Variants in CACNA1G observed in about 807,000 individuals in gnomAD.
CACNA1G encodes calcium voltage-gated channel subunit alpha1 G.
Under a neutral mutation model 219.4 loss-of-function variants are expected in CACNA1G, and 67 were observed. That is an observed-to-expected ratio of 0.31 (90% CI 0.25 to 0.37). The LOEUF (loss-of-function observed/expected upper bound fraction) is 0.37. Among genes scored for constraint, CACNA1G ranks in the 10% least tolerant of loss-of-function variants. CACNA1G has a pLI of 1.00. For synonymous variants in CACNA1G, 1,296 were observed against 1,345.3 expected (o/e 0.96, Z 0.80); for missense variants, 2,380 against 3,231.4 (o/e 0.74, Z 6.39).
At chr17:50,569,991 T>C (rs2039003273) in intron 4 of CACNA1G, among the ~76,000 whole-genome samples, 188 bp downstream of exon 4, 1 of 152,186 alleles carries the variant, frequency 6.6e-6, no homozygotes, top group South Asian at 2.1e-4. Flanking sequence ...GGGAGTTACC[T>C]GGGAAAACCC....
rs2035396681 is a variant in CACNA1G, at chr17:50,560,794, A to G, written c.-666A>G. 1.3e-5 allele frequency among the ~76,000 whole-genome samples: 2 copies of G among 151,950 alleles called. No individual in the cohort carries two copies. Among genetic ancestry groups the G allele is most frequent in the Non-Finnish European group, 2.9e-5 (2 of 67,946 alleles). On this transcript the variant is annotated 5_prime_UTR_variant, in exon 1 of 38. Coordinates refer to ENST00000359106, the MANE Select transcript of CACNA1G (RefSeq NM_018896.5). The stretch of plus-strand genomic sequence containing the variant: ...AGGAGGAGGCTGTGGCGCCGGCGAC[A>G]GCTACGGCAGCGGCAGCCACCGCGG...
At chr17:50,605,671 C>A (rs2047798353) in intron 22 of CACNA1G, among the ~76,000 whole-genome samples, 1 of 152,240 alleles carries the variant, frequency 6.6e-6, no homozygotes, top group Non-Finnish European at 1.5e-5. Context: ...CGCCTCCACC[C>A]TTTCCCACTG....
chr17:50,603,534 CT>C lies in CACNA1G; in HGVS notation c.4169+337del, dbSNP rs1419598585. Among the ~76,000 whole-genome samples the C allele has an allele frequency of 1.3e-5, 2 of 152,140 alleles. No homozygotes were observed. The highest frequency in any genetic ancestry group is 1.3e-4 in the Admixed American group (2 of 15,278). ...TCACAGTCTTCAGCTGCGGCTCTCC[CT>C]TGTGTGGCCTCTAGGGGTGACACTC... is the stretch of plus-strand genomic sequence containing the variant. On this transcript the variant is annotated intron_variant, in intron 21 of 37. Transcript: ENST00000359106. The surrounding 1 kb of genome is among the most constrained non-coding windows in gnomAD (Gnocchi z 6.4).
chr17:50,616,218 G>A, intron 27 of CACNA1G, 57 bp from the exon 28 acceptor site: 1 of 1,060,414 alleles, frequency 9.4e-7, no homozygotes, highest in Non-Finnish European at 1.5e-6. Context: ...GGGGCGGGGG[G>A]ACAAGCCCCA....
intron 25 of CACNA1G, 31 bp from the exon 26 acceptor site, chr17:50,609,851 C>T (rs1464518192): frequency 6.2e-7 from 1 of 1,606,704 alleles, no homozygotes; most frequent in South Asian, 1.1e-5. Context: ...CTGGTCCGGC[C>T]AGTGACCAAT....
chr17:50,564,087 C>T (rs1035061253), intron 1 of CACNA1G, among the ~76,000 whole-genome samples: 1 of 149,108 alleles, frequency 6.7e-6, no homozygotes, highest in Admixed American at 6.7e-5. Flanking sequence ...TTTTAAGGGA[C>T]CAGGTTTCCT....
At chr17:50,598,964 G>C (rs965549891) in intron 16 of CACNA1G, among the ~76,000 whole-genome samples, 1 of 152,192 alleles carries the variant, frequency 6.6e-6, no homozygotes, top group African/African-American at 2.4e-5. Context: ...CTGGCCTCAG[G>C]TGATCTGCCC....
At position 50,615,426 on chromosome 17, in the gene CACNA1G, A is replaced by G. The variant is rs200825775; in HGVS notation, c.4825A>G (p.Thr1609Ala). The change falls in exon 27 of 38, where the codon ACC becomes GCC. Residue 1609 changes from threonine (T) to alanine (A), a missense_variant. Around this residue, in one of 17 missense-constraint regions of CACNA1G, gnomAD observed 123 missense variants for 258.4 expected, o/e 0.48. Transcript: ENST00000359106. Reference sequence around the variant, plus strand: ...CCGGCTCCTCGTCCACCACTTGTGCACCAGCCACTACCTGGACCTCTTCAT... The same window carrying G: ...CCGGCTCCTCGTCCACCACTTGTGCGCCAGCCACTACCTGGACCTCTTCAT... ...RFRLLVHHLC[T>A]SHYLDLFITG... The G allele has an allele frequency of 3.8e-6, 6 of 1,594,630 alleles. No homozygotes were observed. Among genetic ancestry groups the G allele is most frequent in the Non-Finnish European group, 3.4e-6 (4 of 1,171,196 alleles).
chr17:50,609,970 G>A (rs762025450), intron 26 of CACNA1G, 35 bp downstream of exon 26: 9 of 1,586,048 alleles, frequency 5.7e-6, no homozygotes, highest in Non-Finnish European at 4.3e-6. Context: ...ATGCGTGTGG[G>A]GACATGCTCT....
At chr17:50,604,131 C>A in intron 21 of CACNA1G, 24 bp from the exon 22 acceptor site, 1 of 1,607,848 alleles carries the variant, frequency 6.2e-7, no homozygotes, top group Non-Finnish European at 8.5e-7. Flanking sequence ...GAAGCCTTAT[C>A]ACCTCCCTCC....
Position 50,624,466 on chromosome 17 carries a change from C to A in CACNA1G, c.6336C>A (p.Gly2112=). The A allele has an allele frequency of 6.2e-7, 1 of 1,601,068 alleles. No homozygotes were observed. ...AGCCCCACAGCGCCCCAACCTGGGG[C>A]ACCATCCCCAAACTGCCCCCACCAG... ...LLQPHSAPTW[G]TIPKLPPPGR... Residue 2112 remains glycine, a synonymous_variant, in exon 37 of 38, where the codon GGC becomes GGA. Coordinates refer to ENST00000359106, the MANE Select transcript of CACNA1G (RefSeq NM_018896.5).
chr17:50,602,592 C>G (rs2046960823), intron 19 of CACNA1G, among the ~76,000 whole-genome samples: 1 of 152,140 alleles, frequency 6.6e-6, no homozygotes, highest in Non-Finnish European at 1.5e-5. Context: ...GCGGGGAGCT[C>G]TGGTCACAGA....
chr17:50,606,787 C>G lies in CACNA1G; in HGVS notation c.4423-113C>G, dbSNP rs999735112. 4 of 752,158 alleles carry G rather than the reference C, an allele frequency of 5.3e-6. No individual in the cohort carries two copies. The African/African-American group carries it at 6.9e-5, about 13-fold the overall frequency. 46.6% of individuals were successfully genotyped at this position (752,158 alleles called of 1,614,324 possible). Reference sequence around the variant, plus strand: ...CTGGAGTGTGACTCCAGCTTGACCCCTCAAGGGCTGGGGTACTTGGAGCTG... The same window carrying G: ...CTGGAGTGTGACTCCAGCTTGACCCGTCAAGGGCTGGGGTACTTGGAGCTG... On this transcript the variant is annotated intron_variant, in intron 23 of 37. Transcript: ENST00000359106.
In CACNA1G at chr17:50,627,122, C is replaced by A. The variant is rs1048194229; in HGVS notation, c.*371C>A. ...GACTGAAGAGACTTGTTTCCTTCTACTTTTATGTGTCTCAGAATATTTTTG... is the reference window on the plus strand; with the variant it reads ...GACTGAAGAGACTTGTTTCCTTCTAATTTTATGTGTCTCAGAATATTTTTG... On this transcript the variant is annotated 3_prime_UTR_variant, in exon 38 of 38. Coordinates refer to ENST00000359106, the MANE Select transcript of CACNA1G (RefSeq NM_018896.5). 14 of 465,076 alleles carry A rather than the reference C, an allele frequency of 3.0e-5. No homozygotes were observed. Among genetic ancestry groups the A allele is most frequent in the Non-Finnish European group, 6.0e-5 (14 of 234,584 alleles). The allele number at this position is 465,076 out of a possible 1,614,324, so 28.8% of individuals were successfully genotyped here. A position where few individuals can be genotyped will look rare whatever the true frequency, so the allele number is the denominator to read the frequency against.
Position 50,599,548 on chromosome 17 carries a change from G to C in CACNA1G, c.3379G>C (p.Glu1127Gln). The change falls in exon 17 of 38, where the codon GAG becomes CAG. Residue 1127 changes from glutamate to glutamine, a missense_variant. Transcript: ENST00000359106. ...CCTGAAGCGGAGAAGCCCAAGTGGA[G>C]AGCGGCGGTCCCTGTTGTCGGGAGA... ...PSLKRRSPSG[E>Q]RRSLLSGEGQ... is the part of the protein sequence containing the mutation. The C allele has an allele frequency of 6.2e-7, 1 of 1,612,844 alleles. No individual in the cohort carries two copies. The highest frequency in any genetic ancestry group is 1.1e-5 in the South Asian group (1 of 90,860).
intron 1 of CACNA1G, 54 bp from the exon 2 acceptor site, chr17:50,568,816 G>A (rs377637283): frequency 2.5e-5 from 35 of 1,426,594 alleles, no homozygotes; most frequent in East Asian, 1.8e-4. Context: ...GGGCGGGGTC[G>A]GGGGGCCGGC....
At chr17:50,599,337 T>A in intron 16 of CACNA1G, 91 bp from the exon 17 acceptor site, 3 of 1,168,380 alleles carry the variant, frequency 2.6e-6, no homozygotes, top group Non-Finnish European at 3.5e-6. Flanking sequence ...CTTGATGTGA[T>A]GCCAGTGAGG....
chr17:50,584,325 G>A (rs2042578994), intron 9 of CACNA1G, among the ~76,000 whole-genome samples: 2 of 152,046 alleles, frequency 1.3e-5, no homozygotes, highest in South Asian at 4.2e-4. Flanking sequence ...CTGGCCTGAG[G>A]GAAGAGAGGC....
intron 1 of CACNA1G, among the ~76,000 whole-genome samples, chr17:50,566,306 A>ACCC (rs35295889): frequency 2.3e-4 from 32 of 138,482 alleles, no homozygotes; most frequent in African/African-American, 8.4e-4. Flanking sequence ...AGGGTGAAAG[A>ACCC]CCCCCCCCCC....
Sources: gnomAD v4.1 joint callset for allele counts (sites outside exome capture counted in the v4.1 genomes callset) on GRCh38, gnomAD v4.1.1 for gene constraint, gnomAD v4.1.1 regional missense constraint, Gnocchi (gnomAD v3.1) non-coding constraint, MANE v1.5 for transcripts, NCBI Gene and HGNC (gene_info 2026-07-23, HGNC 2026-07-21) for gene names.